Variants in GRAMD2B observed in about 807,000 individuals in gnomAD.
GRAMD2B encodes the protein GRAM domain containing 2B.
Under a neutral mutation model 59.2 loss-of-function variants are expected in GRAMD2B, and 41 were observed. The ratio of observed to expected loss-of-function variants is 0.69; its 90% confidence interval spans 0.54 to 0.90. GRAMD2B has a LOEUF of 0.90. Ranked by LOEUF, GRAMD2B falls within the 40% of genes least tolerant of loss-of-function variation. The pLI is 0.00. For synonymous variants in GRAMD2B, 161 were observed against 182.7 expected, an observed-to-expected ratio of 0.88 and a Z score of 0.96; for missense variants, 424 against 500.5, an observed-to-expected ratio of 0.85 and a Z score of 1.46.
In GRAMD2B at chr5:126,426,455, C is replaced by T. The variant is rs78256492; in HGVS notation, c.83+2766C>T. On this transcript the variant is annotated intron_variant, in intron 1 of 13. Transcript: ENST00000285689. ...TAGAATTTATCTGCTGTTATTATGA[C>T]GATTAATTAACAATTAATGTTTATT... Among the ~76,000 whole-genome samples the T allele has an allele frequency of 8.9e-3, 1,357 of 152,234 alleles. 20 individuals are homozygous for T. The highest frequency in any genetic ancestry group is 0.03 in the African/African-American group (1,261 of 41,532).
intron 1 of GRAMD2B, among the ~76,000 whole-genome samples, chr5:126,382,170 T>C (rs1489091545): frequency 6.6e-6 from 1 of 152,208 alleles, no homozygotes; most frequent in Admixed American, 6.5e-5. Flanking sequence ...ATGTGCCTAG[T>C]CGATTATCTT....
chr5:126,366,965 G>T (rs530624655), upstream of GRAMD2B, among the ~76,000 whole-genome samples: 2 of 146,638 alleles, frequency 1.4e-5, no homozygotes, highest in South Asian at 4.4e-4. Context: ...AGCGATTCTT[G>T]TGCCTCAGCC....
At chr5:126,455,732 C>T (rs1766164190) in intron 1 of GRAMD2B, among the ~76,000 whole-genome samples, 1 of 152,162 alleles carries the variant, frequency 6.6e-6, no homozygotes, top group South Asian at 2.1e-4. Flanking sequence ...TTTCTAGTTT[C>T]TCGTACTGAA....
intron 1 of GRAMD2B, among the ~76,000 whole-genome samples, chr5:126,463,445 A>G (rs1028977471): frequency 4.6e-5 from 7 of 152,202 alleles, no homozygotes; most frequent in Non-Finnish European, 1.0e-4. Context: ...CCTCTTAACT[A>G]TTCTAAAATT....
At chr5:126,360,582 C>A in intron 1 of GRAMD2B, 1 of 946,276 alleles carries the variant, frequency 1.1e-6, no homozygotes, top group South Asian at 2.0e-5. Flanking sequence ...TCTTTGATTG[C>A]CCACTGGGGG....
chr5:126,484,633 T>A (rs995269189), intron 10 of GRAMD2B, 109 bp downstream of exon 10: 120 of 1,144,634 alleles, frequency 1.0e-4, no homozygotes, highest in Non-Finnish European at 1.4e-4. Context: ...CAGGCTGCTG[T>A]AGTGCAATAA....
intron 1 of GRAMD2B, among the ~76,000 whole-genome samples, chr5:126,400,726 A>G (rs564246135): frequency 6.6e-6 from 1 of 152,176 alleles, no homozygotes; most frequent in East Asian, 1.9e-4. Context: ...CAAGTATGGT[A>G]TTCTTGGTTG....
At chr5:126,399,403 TC>T (rs1468032165) in intron 1 of GRAMD2B, among the ~76,000 whole-genome samples, 1 of 152,150 alleles carries the variant, frequency 6.6e-6, no homozygotes, top group African/African-American at 2.4e-5. Context: ...GGAGGCAGTT[TC>T]CCCAGTTGGA....
chr5:126,433,468 G>A (rs9327404), intron 1 of GRAMD2B: 90,974 of 152,080 alleles, frequency 0.6, 27,794 homozygotes, highest in African/African-American at 0.72. Context: ...TAACTTTTGT[G>A]TGTGTGTTTT....
intron 1 of GRAMD2B, among the ~76,000 whole-genome samples, chr5:126,449,520 T>C (rs1764940487): frequency 8.2e-6 from 1 of 121,778 alleles, no homozygotes; most frequent in Non-Finnish European, 1.8e-5. Flanking sequence ...CTATACTCTC[T>C]TATTTTTCGC....
At chr5:126,414,226 T>C (rs76204957) in intron 1 of GRAMD2B, among the ~76,000 whole-genome samples, 75 of 152,276 alleles carry the variant, frequency 4.9e-4, no homozygotes, top group African/African-American at 1.8e-3. Flanking sequence ...TTATACAATA[T>C]TTTTTCAAAA....
intron 1 of GRAMD2B, among the ~76,000 whole-genome samples, chr5:126,413,506 T>C (rs2149761586): frequency 6.6e-6 from 1 of 152,232 alleles, no homozygotes; most frequent in South Asian, 2.1e-4. Context: ...TTATTGAGAC[T>C]GAACATGAGA....
At chr5:126,483,207 T>C (rs369084948) in intron 8 of GRAMD2B, among the ~76,000 whole-genome samples, 2 of 152,252 alleles carry the variant, frequency 1.3e-5, no homozygotes, top group Admixed American at 6.5e-5. Flanking sequence ...ATTGGCATTC[T>C]GGGTGTTTTC....
chr5:126,386,818 G>T (rs1418453459), intron 1 of GRAMD2B, among the ~76,000 whole-genome samples: 1 of 152,124 alleles, frequency 6.6e-6, no homozygotes, highest in Non-Finnish European at 1.5e-5. Context: ...AGATAATTTT[G>T]GAGGCTGGCA....
intron 1 of GRAMD2B, among the ~76,000 whole-genome samples, chr5:126,448,834 A>C (rs889520145): frequency 1.3e-5 from 2 of 152,230 alleles, no homozygotes; most frequent in East Asian, 3.8e-4. Context: ...CAGCGAACTC[A>C]TCTTTGTTTC....
At chr5:126,491,010 C>G (rs1581307091) in intron 13 of GRAMD2B, among the ~76,000 whole-genome samples, 1 of 152,206 alleles carries the variant, frequency 6.6e-6, no homozygotes, top group Non-Finnish European at 1.5e-5. Flanking sequence ...TCAGCCTTCC[C>G]ACTACCAGTC....
chr5:126,371,276 C>T, upstream of GRAMD2B: 1 of 1,100,886 alleles, frequency 9.1e-7, no homozygotes, highest in Non-Finnish European at 1.1e-6. Context: ...TAATCATTAA[C>T]TGACTTTTAA....
In GRAMD2B at chr5:126,465,543, A is replaced by G. The variant is rs751943347; in HGVS notation, c.201A>G (p.Leu67=). The change falls in exon 2 of 14, where the codon CTA becomes CTG. Residue 67 remains leucine (L), a splice_region_variant and synonymous_variant. Transcript: ENST00000285689. Reference sequence around the variant, plus strand: ...CAGACCAGAAGAAAATCATTAGCCTATGGTAAGTCCTCCGTTGACTCTCTT... The same window carrying G: ...CAGACCAGAAGAAAATCATTAGCCTGTGGTAAGTCCTCCGTTGACTCTCTT... ...DSPDQKKIIS[L]WSKSSFDGAS... is the part of the protein sequence containing the mutation. 1 of 1,613,380 alleles carries G rather than the reference A, an allele frequency of 6.2e-7. No individual in the cohort carries two copies. The highest frequency in any genetic ancestry group is 2.2e-5 in the East Asian group (1 of 44,886).
intron 1 of GRAMD2B, among the ~76,000 whole-genome samples, chr5:126,446,299 G>A (rs941735681): frequency 1.3e-5 from 2 of 152,090 alleles, no homozygotes; most frequent in Non-Finnish European, 2.9e-5. Flanking sequence ...GGAGTGGTGG[G>A]CTACAGGTAT....
Sources: gnomAD v4.1 joint callset for allele counts (sites outside exome capture counted in the v4.1 genomes callset) on GRCh38, gnomAD v4.1.1 for gene constraint, MANE v1.5 for transcripts, NCBI Gene and HGNC (gene_info 2026-07-23, HGNC 2026-07-21) for gene names.